MEST: variants seen among roughly 807,000 people sequenced by gnomAD.
MEST encodes the protein mesoderm specific transcript.
Under a neutral mutation model 50.9 loss-of-function variants are expected in MEST, and 18 were observed. The ratio of observed to expected loss-of-function variants is 0.35; its 90% CI spans 0.24 to 0.52. MEST has a LOEUF of 0.52. Among genes scored for constraint, MEST ranks in the 20% least tolerant of loss-of-function variants. The pLI is 0.94. For synonymous variants in MEST, 130 were observed against 154.1 expected (o/e 0.84, Z 1.16); for missense variants, 282 against 425.3 (o/e 0.66, Z 2.96).
upstream of MEST, chr7:130,491,556 T>C (rs553258132): frequency 6.6e-6 from 1 of 152,334 alleles, no homozygotes; most frequent in Non-Finnish European, 1.5e-5. The surrounding 1 kb of genome is among the most constrained non-coding windows in gnomAD (Gnocchi z 6.8). Context: ...GTAGTTAAGC[T>C]TAGGGCGCAT....
chr7:130,504,751 AGTTTGT>A (rs1350235281), intron 11 of MEST, among the ~76,000 whole-genome samples, 182 bp from the exon 12 acceptor site: 3 of 152,240 alleles, frequency 2.0e-5, no homozygotes. Context: ...TTTAAAAACT[AGTTTGT>A]ATAAATGGAA....
Position 130,505,185 on chromosome 7 carries a change from CA to C in MEST, c.*132del. ...ATTCTCTCACAAAGTCCACTTTACT[CA>C]AATTGGTGAACAGTGTATAGGAAGA... On this transcript the variant is annotated 3_prime_UTR_variant, in exon 12 of 12. Transcript: ENST00000223215. The C allele has an allele frequency of 1.4e-6, 1 of 738,944 alleles. No homozygotes were observed. The highest frequency in any genetic ancestry group is 2.3e-6 in the Non-Finnish European group (1 of 429,338). The allele number at this position is 738,944 out of a possible 1,614,324, so 45.8% of individuals were successfully genotyped here. A position where few individuals can be genotyped will look rare whatever the true frequency, so the allele number is the denominator to read the frequency against.
intron 1 of MEST, chr7:130,487,078 A>AC (rs1798647040): frequency 6.6e-6 from 1 of 151,404 alleles, no homozygotes; most frequent in African/African-American, 2.4e-5. Context: ...GGCATAATCT[A>AC]ATGTGGGAAG....
At chr7:130,486,486 T>C (rs901639464) in intron 1 of MEST, 1 of 152,176 alleles carries the variant, frequency 6.6e-6, no homozygotes, top group Non-Finnish European at 1.5e-5. Context: ...GGGGTGTGGC[T>C]CGTGTGCGTG....
upstream of MEST, chr7:130,489,033 G>A (rs1798707052): frequency 6.6e-6 from 1 of 152,162 alleles, no homozygotes; most frequent in Non-Finnish European, 1.5e-5. Flanking sequence ...TCTTGAAAGT[G>A]GCAGTCCCGG....
At position 130,497,446 on chromosome 7, in the gene MEST, A is replaced by G. The variant is rs1420550546; in HGVS notation, c.261+211A>G. ...GTGGCACAAGCCTGTAATCCCAGCT[A>G]CTTGGGAGGCTGAGGCAGGAGAATC... On this transcript the variant is annotated intron_variant, in intron 3 of 11. Coordinates refer to ENST00000223215, the MANE Select transcript of MEST (RefSeq NM_002402.4). The surrounding 1 kb of genome is among the most constrained non-coding windows in gnomAD (Gnocchi z 4.0). 2 of 339,258 alleles carry G rather than the reference A, an allele frequency of 5.9e-6. No individual in the cohort carries two copies. Among genetic ancestry groups the G allele is most frequent in the African/African-American group, 2.2e-5 (1 of 46,126 alleles). The allele number at this position is 339,258 out of a possible 1,614,324, so 21.0% of individuals were successfully genotyped here.
Position 130,500,159 on chromosome 7 carries a change from T to C in MEST, c.576+244T>C. 1.8e-6 allele frequency: 1 copy of C among 553,406 alleles called. No homozygotes were observed. Among genetic ancestry groups the C allele is most frequent in the Non-Finnish European group, 3.2e-6 (1 of 317,192 alleles). The allele number at this position is 553,406 out of a possible 1,614,324, so 34.3% of individuals were successfully genotyped here. The stretch of plus-strand genomic sequence containing the variant: ...CAAATATTTGGAGAAATTACAGCTA[T>C]GGAAAGATCTGTGTCACAAGCTTGA... On this transcript the variant is annotated intron_variant, in intron 7 of 11. Coordinates refer to ENST00000223215, the MANE Select transcript of MEST (RefSeq NM_002402.4). The surrounding 1 kb of genome is among the most constrained non-coding windows in gnomAD (Gnocchi z 5.0).
Position 130,502,577 on chromosome 7 carries a change from AT to A in MEST, c.750-66del, listed in dbSNP as rs1296712288. The A allele has an allele frequency of 9.3e-6, 11 of 1,185,526 alleles. No individual in the cohort carries two copies. The African/African-American group carries it at 1.5e-4, about 16-fold the overall frequency. 73.4% of individuals were successfully genotyped at this position (1,185,526 alleles called of 1,614,324 possible). Reference sequence around the variant, plus strand: ...TATCTTGTGTTCCTTGTGGCTCGTTATGCCCTTGAATCCCTGTAACAGTAAA... The same window carrying A: ...TATCTTGTGTTCCTTGTGGCTCGTTAGCCCTTGAATCCCTGTAACAGTAAA... On this transcript the variant is annotated intron_variant, in intron 9 of 11. Transcript: ENST00000223215.
intron 10 of MEST, 82 bp from the exon 11 acceptor site, chr7:130,503,851 T>C: frequency 2.9e-6 from 3 of 1,041,044 alleles, no homozygotes; most frequent in Non-Finnish European, 4.4e-6. Flanking sequence ...AAACATTTCT[T>C]TTCGGAGAGG....
chr7:130,505,633 A>C lies in MEST; in HGVS notation c.*577A>C, dbSNP rs1376221950. On this transcript the variant is annotated 3_prime_UTR_variant, in exon 12 of 12. Coordinates refer to ENST00000223215, the MANE Select transcript of MEST (RefSeq NM_002402.4). Reference sequence around the variant, plus strand: ...TAAAATAGATATTGGTTTAAATGATACAGTATTTTAGGTATGATTTAAGAC... The same window carrying C: ...TAAAATAGATATTGGTTTAAATGATCCAGTATTTTAGGTATGATTTAAGAC... 1 of 152,350 alleles carries C rather than the reference A, an allele frequency of 6.6e-6. No individual in the cohort carries two copies. Among genetic ancestry groups the C allele is most frequent in the Non-Finnish European group, 1.5e-5 (1 of 68,142 alleles). 9.4% of individuals were successfully genotyped at this position (152,350 alleles called of 1,614,324 possible).
chr7:130,502,661 A>G lies in MEST; in HGVS notation c.767A>G (p.Asn256Ser), dbSNP rs1554438767. ...LVIDSLLQYI[N>S]QRKKFRRRWV... ...TCCTACAGTCTCTTACAGTACATCA[A>G]TCAGAGGAAGAAGTTCAGAAGGCGC... Residue 256 changes from asparagine (N) to serine (S), a missense_variant, in exon 10 of 12, where the codon AAT becomes AGT. By Grantham distance (46) the Asn-to-Ser change is conservative (BLOSUM62 1). Coordinates refer to ENST00000223215, the MANE Select transcript of MEST (RefSeq NM_002402.4). 5 of 1,613,744 alleles carry G rather than the reference A, an allele frequency of 3.1e-6. No homozygotes were observed. The highest frequency in any genetic ancestry group is 2.2e-5 in the East Asian group (1 of 44,878).
In MEST at chr7:130,505,608, T is replaced by G. The variant is rs370079586; in HGVS notation, c.*552T>G. The G allele has an allele frequency of 3.0e-4, 46 of 152,560 alleles. No homozygotes were observed. Among genetic ancestry groups the G allele is most frequent in the African/African-American group, 9.1e-4 (38 of 41,564 alleles). 9.5% of individuals were successfully genotyped at this position (152,560 alleles called of 1,614,324 possible). A position where few individuals can be genotyped will look rare whatever the true frequency, so the allele number is the denominator to read the frequency against. ...CTGTTTTTAGTTATAAACATTTTGTTAAAATAGATATTGGTTTAAATGATA... is the reference window on the plus strand; with the variant it reads ...CTGTTTTTAGTTATAAACATTTTGTGAAAATAGATATTGGTTTAAATGATA... On this transcript the variant is annotated 3_prime_UTR_variant, in exon 12 of 12. Transcript: ENST00000223215.
chr7:130,491,037 G>A (rs537545003), upstream of MEST: 1 of 152,238 alleles, frequency 6.6e-6, no homozygotes, highest in Non-Finnish European at 1.5e-5. The surrounding 1 kb of genome is among the most constrained non-coding windows in gnomAD (Gnocchi z 6.8). Flanking sequence ...TGGATGCAGC[G>A]GGCACCGGCC....
At position 130,500,631 on chromosome 7, in the gene MEST, C is replaced by T; in HGVS notation, c.647+99C>T. The T allele has an allele frequency of 7.4e-6, 10 of 1,356,218 alleles. No homozygotes were observed. Among genetic ancestry groups the T allele is most frequent in the African/African-American group, 1.4e-5 (1 of 69,486 alleles). 84.0% of individuals were successfully genotyped at this position (1,356,218 alleles called of 1,614,324 possible). A position where few individuals can be genotyped will look rare whatever the true frequency, so the allele number is the denominator to read the frequency against. On this transcript the variant is annotated intron_variant, in intron 8 of 11. Coordinates refer to ENST00000223215, the MANE Select transcript of MEST (RefSeq NM_002402.4). This position sits in a 1 kb window ranked among gnomAD's most constrained non-coding sequence, Gnocchi z 5.0. ...AATCCTAAGGCTTGATATTTTAAAG[C>T]AAAGGTGTTGGCCGCTTGCCAGGGA... is the stretch of plus-strand genomic sequence containing the variant.
At chr7:130,494,736 ACTGTTTACC>A (rs1798974328) in intron 1 of MEST, 1 of 513,470 alleles carries the variant, frequency 1.9e-6, no homozygotes, top group Admixed American at 6.4e-5. Context: ...ACTTTCACAG[ACTGTTTACC>A]CTGAGCAGTT....
chr7:130,499,995 C>A, intron 7 of MEST, 80 bp downstream of exon 7: 2 of 1,123,036 alleles, frequency 1.8e-6, no homozygotes, highest in Non-Finnish European at 2.6e-6. Context: ...AGGGCCATAG[C>A]TCCTGTAACT....
chr7:130,495,775 TTA>T (rs1584943018), intron 2 of MEST: 1 of 321,954 alleles, frequency 3.1e-6, no homozygotes, highest in South Asian at 6.4e-5. Flanking sequence ...TATTCCAATA[TTA>T]GTTTTTTTTT....
At chr7:130,491,883 G>T (rs529168020), upstream of MEST, among the ~76,000 whole-genome samples, 1 of 152,210 alleles carries the variant, frequency 6.6e-6, no homozygotes, top group South Asian at 2.1e-4. The surrounding 1 kb of genome is among the most constrained non-coding windows in gnomAD (Gnocchi z 6.8). Flanking sequence ...TCTTGGGGAG[G>T]GGGCTCGACA....
Position 130,500,644 on chromosome 7 carries a change from C to T in MEST, c.647+112C>T, listed in dbSNP as rs1243445024. 2.3e-6 allele frequency: 3 copies of T among 1,279,102 alleles called. No individual in the cohort carries two copies. Among genetic ancestry groups the T allele is most frequent in the Admixed American group, 2.1e-5 (1 of 47,142 alleles). The allele number at this position is 1,279,102 out of a possible 1,614,324, so 79.2% of individuals were successfully genotyped here. A position where few individuals can be genotyped will look rare whatever the true frequency, so the allele number is the denominator to read the frequency against. The stretch of plus-strand genomic sequence containing the variant: ...GATATTTTAAAGCAAAGGTGTTGGC[C>T]GCTTGCCAGGGAAGTAGAAGGAATT... On this transcript the variant is annotated intron_variant, in intron 8 of 11. Transcript: ENST00000223215. This position sits in a 1 kb window ranked among gnomAD's most constrained non-coding sequence, Gnocchi z 5.0.
Sources: gnomAD v4.1 joint callset for allele counts (sites outside exome capture counted in the v4.1 genomes callset) on GRCh38, gnomAD v4.1.1 for gene constraint, Gnocchi (gnomAD v3.1) non-coding constraint, MANE v1.5 for transcripts, NCBI Gene and HGNC (gene_info 2026-07-23, HGNC 2026-07-21) for gene names.